IL6ST: variants seen among roughly 807,000 people sequenced by gnomAD.
The protein encoded by IL6ST is interleukin 6 cytokine family signal transducer, also known as interleukin-6 receptor subunit beta.
Under a neutral mutation model 91.3 loss-of-function variants are expected in IL6ST, and 24 were observed. The observed-to-expected ratio is 0.26, with a 90% CI of 0.19 to 0.37. The LOEUF is 0.37. Among genes scored for constraint, IL6ST ranks in the 10% least tolerant of loss-of-function variants. The pLI is 1.00. For missense variants in IL6ST, 914 were observed against 1,078.5 expected, an observed-to-expected ratio of 0.85 and a Z score of 2.14; for synonymous variants, 351 against 373.6, an observed-to-expected ratio of 0.94 and a Z score of 0.70.
intron 6 of IL6ST, 145 bp from the exon 7 acceptor site, chr5:55,963,651 C>CTA: frequency 1.7e-6 from 1 of 587,856 alleles, no homozygotes; most frequent in Non-Finnish European, 2.8e-6. Flanking sequence ...TTATGCTATG[C>CTA]TATATACCTT....
chr5:55,939,645 G>A lies in IL6ST; in HGVS notation c.*1437C>T, dbSNP rs1309143137. On this transcript the variant is annotated 3_prime_UTR_variant, in exon 17 of 17. Coordinates refer to ENST00000381298, the MANE Select transcript of IL6ST (RefSeq NM_002184.4). ...CAGTAGTCAATCACTAATAACGCTT[G>A]CTAATTTCCTCTTACTTTCTAAGAA... is the stretch of plus-strand genomic sequence containing the variant. The A allele has an allele frequency of 1.9e-5, 4 of 205,824 alleles. No individual in the cohort carries two copies. The highest frequency in any genetic ancestry group is 4.0e-5 in the Non-Finnish European group (4 of 100,600). The allele number at this position is 205,824 out of a possible 1,614,324, so 12.7% of individuals were successfully genotyped here. A position where few individuals can be genotyped will look rare whatever the true frequency, so the allele number is the denominator to read the frequency against.
chr5:55,980,920 G>A (rs1340797945), intron 2 of IL6ST, among the ~76,000 whole-genome samples: 1 of 152,090 alleles, frequency 6.6e-6, no homozygotes, highest in African/African-American at 2.4e-5. Context: ...GTAAAGATGG[G>A]GGTCTCACTA....
At chr5:55,993,115 G>A (rs570562911) in intron 1 of IL6ST, among the ~76,000 whole-genome samples, 1 of 152,326 alleles carries the variant, frequency 6.6e-6, no homozygotes, top group African/African-American at 2.4e-5. Context: ...AGCTGCAAAT[G>A]TATTAGGGCC....
At chr5:55,961,923 G>A (rs1248116814) in intron 7 of IL6ST, among the ~76,000 whole-genome samples, 1 of 152,124 alleles carries the variant, frequency 6.6e-6, no homozygotes, top group East Asian at 1.9e-4. Flanking sequence ...ATCTATACAG[G>A]TCAGCATGAC....
chr5:55,983,243 C>T (rs910244871), intron 1 of IL6ST, among the ~76,000 whole-genome samples: 1 of 152,182 alleles, frequency 6.6e-6, no homozygotes, highest in Non-Finnish European at 1.5e-5. Flanking sequence ...ACCTCAGACT[C>T]CCAAAGTGTT....
intron 2 of IL6ST, among the ~76,000 whole-genome samples, chr5:55,977,554 G>A (rs775950344): frequency 7.2e-5 from 11 of 152,000 alleles, no homozygotes; most frequent in Non-Finnish European, 1.6e-4. Context: ...GGCAGGACGC[G>A]ATGGCTCACG....
chr5:55,977,464 A>C (rs1395765295), intron 2 of IL6ST, among the ~76,000 whole-genome samples: 2 of 152,066 alleles, frequency 1.3e-5, no homozygotes, highest in Non-Finnish European at 2.9e-5. Context: ...GGCACACGTA[A>C]AAGGGCATAA....
rs1230825553 is a variant in IL6ST, at chr5:55,935,987, G to A, written c.*5095C>T. On this transcript the variant is annotated 3_prime_UTR_variant, in exon 17 of 17. Transcript: ENST00000381298. Reference sequence around the variant, plus strand: ...CAAATAGAAGATTTTAAACAAAGGAGCACATAGCCCAAAGCTGACATGTTA... The same window carrying A: ...CAAATAGAAGATTTTAAACAAAGGAACACATAGCCCAAAGCTGACATGTTA... The A allele has an allele frequency of 8.9e-6, 2 of 224,192 alleles. No individual in the cohort carries two copies. Among genetic ancestry groups the A allele is most frequent in the South Asian group, 3.7e-4 (2 of 5,446 alleles). 13.9% of individuals were successfully genotyped at this position (224,192 alleles called of 1,614,324 possible). A position where few individuals can be genotyped will look rare whatever the true frequency, so the allele number is the denominator to read the frequency against.
chr5:55,982,535 TA>T (rs2111899351), intron 2 of IL6ST, among the ~76,000 whole-genome samples, 188 bp downstream of exon 2: 1 of 152,326 alleles, frequency 6.6e-6, no homozygotes, highest in South Asian at 2.1e-4. Context: ...TCTCTTCCAT[TA>T]GTATCAATTA....
intron 1 of IL6ST, chr5:55,994,025 C>T (rs1754490860): frequency 1.1e-5 from 1 of 92,836 alleles, no homozygotes; most frequent in South Asian, 3.5e-4. Context: ...CAAACTAAGC[C>T]AAAATGCGTT....
rs539491177 is a variant in IL6ST, at chr5:55,936,688, A to G, written c.*4394T>C. ...TTATTTCTTAAAATTTACTTAAGGGATTAGAGCTAATATATAATAGAACAT... is the reference window on the plus strand; with the variant it reads ...TTATTTCTTAAAATTTACTTAAGGGGTTAGAGCTAATATATAATAGAACAT... On this transcript the variant is annotated 3_prime_UTR_variant, in exon 17 of 17. Coordinates refer to ENST00000381298, the MANE Select transcript of IL6ST (RefSeq NM_002184.4). 1 of 193,132 alleles carries G rather than the reference A, an allele frequency of 5.2e-6. No homozygotes were observed. Among genetic ancestry groups the G allele is most frequent in the Admixed American group, 6.1e-5 (1 of 16,394 alleles). The allele number at this position is 193,132 out of a possible 1,614,324, so 12.0% of individuals were successfully genotyped here.
chr5:55,951,512 C>CTGTGT lies in IL6ST; in HGVS notation c.1791_1792insACACA (p.Glu598ThrfsTer26). The CTGTGT allele has an allele frequency of 6.2e-7, 1 of 1,613,176 alleles. No individual in the cohort carries two copies. The highest frequency in any genetic ancestry group is 8.5e-7 in the Non-Finnish European group (1 of 1,179,194). On this transcript the variant is annotated frameshift_variant, in exon 14 of 17. Coordinates refer to ENST00000381298, the MANE Select transcript of IL6ST (RefSeq NM_002184.4). LOFTEE classifies it high-confidence loss of function. ...AATTCTGGACCATCCTTCCCACCTT[C>CTGTGT]ATCTGTGTATGCTGCCATTCGTACC... is the stretch of plus-strand genomic sequence containing the variant.
At position 55,954,894 on chromosome 5, in the gene IL6ST, C is replaced by G. The variant is rs751193472; in HGVS notation, c.1366G>C (p.Glu456Gln). 4 of 1,613,210 alleles carry G rather than the reference C, an allele frequency of 2.5e-6. No individual in the cohort carries two copies. The East Asian group carries it at 6.7e-5, about 27-fold the overall frequency. ...GCTTTATCTGATAACACACACCACT[C>G]AAGTATATATTTCTTTACAGATTCC... Reference protein sequence around the residue: ...PRESVKKYILEWCVLSDKAPC... With the variant: ...PRESVKKYILQWCVLSDKAPC... The change falls in exon 11 of 17, where the codon GAG becomes CAG. Residue 456 changes from glutamate (E) to glutamine (Q), a missense_variant. Coordinates refer to ENST00000381298, the MANE Select transcript of IL6ST (RefSeq NM_002184.4).
chr5:55,949,359 T>C (rs1751468415), intron 14 of IL6ST, among the ~76,000 whole-genome samples: 1 of 151,996 alleles, frequency 6.6e-6, no homozygotes, highest in South Asian at 2.1e-4. Flanking sequence ...CCAGCAGTCT[T>C]AGTTACTTGG....
chr5:55,967,368 G>C (rs2111795794), intron 5 of IL6ST, among the ~76,000 whole-genome samples: 1 of 119,868 alleles, frequency 8.3e-6, no homozygotes, highest in East Asian at 2.8e-4. Flanking sequence ...GTTAAACAAT[G>C]TACAATGTAT....
chr5:55,940,139 A>G lies in IL6ST; in HGVS notation c.*943T>C, dbSNP rs60589747. The stretch of plus-strand genomic sequence containing the variant: ...AAGTCAATGATATGTGTGTGTATAT[A>G]TATATATATATATACACACATTAGC... On this transcript the variant is annotated 3_prime_UTR_variant, in exon 17 of 17. Coordinates refer to ENST00000381298, the MANE Select transcript of IL6ST (RefSeq NM_002184.4). 277 of 38,814 alleles carry G rather than the reference A, an allele frequency of 7.1e-3. 1 individual carries two copies. Among genetic ancestry groups the G allele is most frequent in the African/African-American group, 0.04 (183 of 4,612 alleles). 2.4% of individuals were successfully genotyped at this position (38,814 alleles called of 1,614,324 possible).
chr5:55,972,040 G>A (rs1357933031), intron 3 of IL6ST, among the ~76,000 whole-genome samples: 2 of 151,994 alleles, frequency 1.3e-5, no homozygotes, highest in Non-Finnish European at 2.9e-5. Context: ...TCTGATACTG[G>A]GTCAGACCTT....
chr5:55,959,847 C>T (rs905368180), intron 8 of IL6ST, among the ~76,000 whole-genome samples: 5 of 151,710 alleles, frequency 3.3e-5, no homozygotes, highest in Admixed American at 3.3e-4. Context: ...CAACAGTTAA[C>T]GGTTTTCTGA....
At chr5:55,992,114 T>C (rs1352810277) in intron 1 of IL6ST, among the ~76,000 whole-genome samples, 1 of 152,236 alleles carries the variant, frequency 6.6e-6, no homozygotes, top group Non-Finnish European at 1.5e-5. Flanking sequence ...ATCTCTTATA[T>C]GGAATTTCCC....
Sources: gnomAD v4.1 joint callset for allele counts (sites outside exome capture counted in the v4.1 genomes callset) on GRCh38, gnomAD v4.1.1 for gene constraint, MANE v1.5 for transcripts, NCBI Gene and HGNC (gene_info 2026-07-23, HGNC 2026-07-21) for gene names.